The following DNAH3 variants were observed in gnomAD, a reference collection of about 807,000 sequenced individuals.
The protein encoded by DNAH3 is axonemal beta dynein heavy chain 3.
A neutral mutation model predicts 432.5 loss-of-function variants in DNAH3; 332 were observed. The ratio of observed to expected loss-of-function variants is 0.77; its 90% confidence interval spans 0.70 to 0.84. The LOEUF (loss-of-function observed/expected upper bound fraction) is 0.84. Among genes scored for constraint, DNAH3 ranks in the 40% least tolerant of loss-of-function variants. DNAH3 has a pLI of 0.00. For missense variants in DNAH3, 4,861 were observed against 5,114.0 expected, an observed-to-expected ratio of 0.95 and a Z score of 1.51; for synonymous variants, 1,956 against 1,900.2, an observed-to-expected ratio of 1.03 and a Z score of -0.76.
intron 31 of DNAH3, among the ~76,000 whole-genome samples, chr16:21,047,498 A>C (rs996696726): frequency 6.6e-6 from 1 of 151,982 alleles, no homozygotes; most frequent in Non-Finnish European, 1.5e-5. Flanking sequence ...TTCTTCACGT[A>C]GTTCTCTAGC....
rs143265135 is a variant in DNAH3 at position 21,086,583 on chromosome 16, C to G, written c.2877+266G>C. On this transcript the variant is annotated intron_variant, in intron 19 of 61. Coordinates refer to ENST00000261383, the Ensembl canonical transcript of DNAH3. ...ATCTGCTTAGGAAGCAGGAAGGAGA[C>G]CCTTTGTGGTCATTGGCTCGAACAA... Among the ~76,000 whole-genome samples the G allele has an allele frequency of 6.8e-3, 1,030 of 152,262 alleles. 4 individuals carry two copies. The highest frequency in any genetic ancestry group is 0.011 in the Non-Finnish European group (762 of 68,024).
At chr16:21,060,457 T>G in intron 25 of DNAH3, 101 bp from the exon 26 acceptor site, 1 of 805,778 alleles carries the variant, frequency 1.2e-6, no homozygotes. Context: ...GCTGGAGGGA[T>G]GCCAAAGGCT....
intron 57 of DNAH3, among the ~76,000 whole-genome samples, chr16:20,946,103 G>C (rs2084033738): frequency 6.6e-6 from 1 of 152,148 alleles, no homozygotes; most frequent in Non-Finnish European, 1.5e-5. Context: ...GACGGGAAGT[G>C]GGGGTCAGAC....
At chr16:21,007,386 T>C (rs1051281891) in intron 41 of DNAH3, among the ~76,000 whole-genome samples, 2 of 151,980 alleles carry the variant, frequency 1.3e-5, no homozygotes, top group Non-Finnish European at 2.9e-5. Context: ...CTAATTTTTG[T>C]ATTTTTTGTA....
At chr16:20,941,487 G>A in exon 59 of DNAH3, 1 of 1,614,116 alleles carries the variant, frequency 6.2e-7, no homozygotes. Flanking sequence ...CCTCTTCCAG[G>A]TCAAAGTCTC....
At chr16:21,074,246 A>T (rs1182327360) in intron 21 of DNAH3, among the ~76,000 whole-genome samples, 1 of 152,124 alleles carries the variant, frequency 6.6e-6, no homozygotes, top group Non-Finnish European at 1.5e-5. Context: ...GGAAGGAGGG[A>T]GGCTTGGGAG....
chr16:21,000,755 G>T (rs2086978975), intron 42 of DNAH3, among the ~76,000 whole-genome samples: 2 of 152,144 alleles, frequency 1.3e-5, no homozygotes, highest in African/African-American at 2.4e-5. Context: ...GTAAAGTTGG[G>T]CATTACTGTC....
intron 41 of DNAH3, among the ~76,000 whole-genome samples, chr16:21,012,245 G>A (rs1044924216): frequency 1.3e-5 from 2 of 152,120 alleles, no homozygotes; most frequent in Non-Finnish European, 2.9e-5. Flanking sequence ...ATGGTTATGG[G>A]AGCCAGAAAA....
exon 13 of DNAH3, chr16:21,112,077 C>G (rs1333206287): frequency 6.2e-7 from 1 of 1,612,482 alleles, no homozygotes; most frequent in East Asian, 2.2e-5. Context: ...AGTCAACATA[C>G]TTTTTGTAGA....
intron 53 of DNAH3, among the ~76,000 whole-genome samples, chr16:20,961,758 T>A (rs1473903007): frequency 8.0e-6 from 1 of 125,492 alleles, no homozygotes; most frequent in African/African-American, 3.2e-5. Context: ...AAATTTCTGG[T>A]TTTTTTTTTT....
intron 23 of DNAH3, among the ~76,000 whole-genome samples, chr16:21,069,026 G>A (rs2090678956): frequency 6.6e-6 from 1 of 151,986 alleles, no homozygotes; most frequent in African/African-American, 2.4e-5. Context: ...CTGAGTTCAA[G>A]CGATCCTCCC....
chr16:21,042,117 C>G (rs763077413), exon 32 of DNAH3: 4 of 1,613,790 alleles, frequency 2.5e-6, no homozygotes, highest in Non-Finnish European at 3.4e-6. Context: ...AGAGCTCAGT[C>G]CCTTCAAAGA....
At chr16:21,036,663 G>T in intron 35 of DNAH3, 51 bp downstream of exon 35, 1 of 1,557,446 alleles carries the variant, frequency 6.4e-7, no homozygotes, top group South Asian at 1.2e-5. Flanking sequence ...ACTGTTTGCT[G>T]ACTTCAGCAA....
chr16:21,152,835 G>A (rs982073173), intron 1 of DNAH3, among the ~76,000 whole-genome samples: 8 of 152,240 alleles, frequency 5.3e-5, no homozygotes, highest in African/African-American at 1.9e-4. Context: ...GCCTTCCCGC[G>A]GGGCAGGGCT....
chr16:20,945,269 G>A lies in DNAH3; in HGVS notation c.11344-606C>T, dbSNP rs115941215. Among the ~76,000 whole-genome samples the A allele has an allele frequency of 5.7e-3, 868 of 152,204 alleles. 10 individuals carry two copies. Among genetic ancestry groups the A allele is most frequent in the African/African-American group, 0.02 (813 of 41,516 alleles). ...CATGCTATGAGACACTCCCACCAGC[G>A]CCATGACTGTTTACAGATGTCATGA... On this transcript the variant is annotated intron_variant, in intron 57 of 61. Transcript: ENST00000261383.
At chr16:20,942,401 C>G (rs1352803843) in intron 58 of DNAH3, among the ~76,000 whole-genome samples, 1 of 152,210 alleles carries the variant, frequency 6.6e-6, no homozygotes, top group Non-Finnish European at 1.5e-5. Flanking sequence ...GTGGGAGAGA[C>G]AGACACCCTG....
chr16:21,152,195 G>A (rs989174165), intron 1 of DNAH3, among the ~76,000 whole-genome samples: 1 of 151,900 alleles, frequency 6.6e-6, no homozygotes, highest in African/African-American at 2.4e-5. Flanking sequence ...TCATGCCACT[G>A]CACCCCAGCC....
intron 18 of DNAH3, among the ~76,000 whole-genome samples, chr16:21,090,508 A>C (rs2091500906): frequency 6.6e-6 from 1 of 152,194 alleles, no homozygotes; most frequent in Non-Finnish European, 1.5e-5. Flanking sequence ...TTATCATTGG[A>C]GTGCAAGGCT....
At position 20,935,462 on chromosome 16, in the gene DNAH3, AG is replaced by A. The variant is rs1343746763; in HGVS notation, c.11882del (p.Pro3961LeufsTer16). On this transcript the variant is annotated frameshift_variant, in exon 61 of 62. Transcript: ENST00000261383. LOFTEE classifies it high-confidence loss of function. ...AGAATCCAGAGATCCAAAATACCAC[AG>A]GGGGCCCCTTGTCAATCCATTCCTG... The A allele has an allele frequency of 1.2e-6, 2 of 1,612,128 alleles. No homozygotes were observed. Among genetic ancestry groups the A allele is most frequent in the South Asian group, 2.2e-5 (2 of 90,446 alleles).
Sources: gnomAD v4.1 joint callset for allele counts (sites outside exome capture counted in the v4.1 genomes callset) on GRCh38, gnomAD v4.1.1 for gene constraint, MANE v1.5 for transcripts, NCBI Gene and HGNC (gene_info 2026-07-23, HGNC 2026-07-21) for gene names.